Variants in MAP3K15 observed in about 807,000 individuals in gnomAD.
MAP3K15 encodes MAPK/ERK kinase kinase 15.
Under a neutral mutation model 99.5 loss-of-function variants are expected in MAP3K15, and 124 were observed. That is an observed-to-expected ratio of 1.25 (90% CI 1.08 to 1.45). MAP3K15 has a LOEUF of 1.45. Ranked by LOEUF, MAP3K15 falls within the 40% of genes most tolerant of loss-of-function variation. The pLI is 0.00. For missense variants in MAP3K15, 1,242 were observed against 1,079.7 expected (o/e 1.15, Z -2.11); for synonymous variants, 494 against 439.6 (o/e 1.12, Z -1.55).
At chrX:19,433,947 T>C (rs2063903398) in intron 6 of MAP3K15, among the ~76,000 whole-genome samples, 1 of 111,204 alleles carries the variant, frequency 9.0e-6, no homozygotes, top group Non-Finnish European at 1.9e-5. Flanking sequence ...AATAACGTAA[T>C]CATTATAAAG....
In MAP3K15 at chrX:19,374,427, C is replaced by A. The variant is rs1259871223; in HGVS notation, c.2773+50G>T. 3 of 1,138,929 alleles carry A rather than the reference C, an allele frequency of 2.6e-6. No homozygotes were observed. In the South Asian group the frequency reaches 5.8e-5, roughly 22 times the overall value. The allele number at this position is 1,138,929 out of a possible 1,213,427, so 93.9% of individuals were successfully genotyped here. A position where few individuals can be genotyped will look rare whatever the true frequency, so the allele number is the denominator to read the frequency against. ...CTGAGCAGCAGAGAAGCCCAGCGCC[C>A]AGCATTCTTGTGGCCAGGGTGCTGC... On this transcript the variant is annotated intron_variant, in intron 20 of 28. Transcript: ENST00000338883.
intron 6 of MAP3K15, among the ~76,000 whole-genome samples, chrX:19,448,222 G>A (rs1464121449): frequency 9.1e-6 from 1 of 109,310 alleles, no homozygotes; most frequent in African/African-American, 3.3e-5. Flanking sequence ...GTCCACATGC[G>A]ATTGATTCAG....
intron 10 of MAP3K15, among the ~76,000 whole-genome samples, chrX:19,413,684 G>GT (rs200016897): frequency 0.013 from 775 of 58,483 alleles, 24 homozygotes; most frequent in African/African-American, 0.054. Flanking sequence ...TCTTGGGGGG[G>GT]GGGGTGGGGA....
chrX:19,504,955 C>CAA lies in MAP3K15; in HGVS notation c.361+9944_361+9945dup, dbSNP rs778010766. ...TGAGCAACAGAGCGAGACCTCCTCT[C>CAA]AAAAAAAAAAAAAAAAAAGCCCAGA... On this transcript the variant is annotated intron_variant, in intron 1 of 28. Transcript: ENST00000338883. Among the ~76,000 whole-genome samples, 167 of 51,722 alleles carry CAA rather than the reference C, an allele frequency of 3.2e-3. 5 individuals carry two copies. Among genetic ancestry groups the CAA allele is most frequent in the African/African-American group, 6.5e-3 (113 of 17,257 alleles). 44.9% of individuals were successfully genotyped at this position (51,722 alleles called of 115,157 possible).
chrX:19,431,022 C>T (rs747004483), intron 7 of MAP3K15, among the ~76,000 whole-genome samples: 3 of 111,870 alleles, frequency 2.7e-5, no homozygotes. Context: ...GATTCACGTC[C>T]GTTGTGTCTG....
At position 19,452,950 on chromosome X, in the gene MAP3K15, G is replaced by A. The variant is rs1421713285; in HGVS notation, c.995+3963C>T. ...CCCAGGGAAGCCAAAAGATTGGACA[G>A]TAGTGCTGTACGATTTCACTTATAT... On this transcript the variant is annotated intron_variant, in intron 6 of 28. Transcript: ENST00000338883. 8.1e-5 allele frequency among the ~76,000 whole-genome samples: 9 copies of A among 110,828 alleles called. No homozygotes were observed. The East Asian group carries it at 2.5e-3, about 31-fold the overall frequency.
In MAP3K15 at chrX:19,464,334, C is replaced by T. The variant is rs371500905; in HGVS notation, c.598G>A (p.Asp200Asn). The T allele has an allele frequency of 2.5e-6, 3 of 1,196,770 alleles. No individual in the cohort carries two copies. The African/African-American group carries it at 5.3e-5, about 21-fold the overall frequency. ...PCADYFCCES[D>N]AQRRASEYMQ... ...TACTCGGAGGCTCGTCTCTGGGCATCACTCTCGCAGCAAAAATAATCAGCG... is the reference window on the plus strand; with the variant it reads ...TACTCGGAGGCTCGTCTCTGGGCATTACTCTCGCAGCAAAAATAATCAGCG... The change falls in exon 4 of 29, where the codon GAT (aspartate) becomes AAT (asparagine). Residue 200 changes from aspartate (D) to asparagine (N), a missense_variant. Physicochemically the swap from Asp to Asn is conservative, Grantham distance 23. Coordinates refer to ENST00000338883, the MANE Select transcript of MAP3K15 (RefSeq NM_001001671.4).
Position 19,378,290 on chromosome X carries a change from AG to A in MAP3K15, c.2589+1829del, listed in dbSNP as rs1453650032. Among the ~76,000 whole-genome samples the A allele has an allele frequency of 6.2e-5, 7 of 112,721 alleles. No homozygotes were observed. The East Asian group carries it at 2.0e-3, about 31-fold the overall frequency. The stretch of plus-strand genomic sequence containing the variant: ...CTGTCTCAAGGCAGTGCCCCATGGA[AG>A]GTCAGTGCTGGTAATGGCATCCTAG... On this transcript the variant is annotated intron_variant, in intron 19 of 28. Transcript: ENST00000338883.
intron 13 of MAP3K15, among the ~76,000 whole-genome samples, chrX:19,403,742 C>T (rs1569212429): frequency 9.1e-6 from 1 of 110,247 alleles, no homozygotes; most frequent in Non-Finnish European, 1.9e-5. Context: ...GCTAGGATTA[C>T]AGGCATCAGC....
intron 3 of MAP3K15, among the ~76,000 whole-genome samples, chrX:19,484,528 G>A (rs1276235840): frequency 8.9e-6 from 1 of 111,887 alleles, no homozygotes; most frequent in Non-Finnish European, 1.9e-5. Flanking sequence ...TACTAAGAAT[G>A]TTAAGGAATT....
intron 19 of MAP3K15, among the ~76,000 whole-genome samples, chrX:19,377,490 G>A (rs1302818480): frequency 2.7e-5 from 3 of 111,081 alleles, no homozygotes; most frequent in African/African-American, 9.8e-5. Context: ...GCTGCAGTGA[G>A]CCAAGATTGT....
chrX:19,506,337 T>C (rs1262713259), intron 1 of MAP3K15, among the ~76,000 whole-genome samples: 1 of 111,562 alleles, frequency 9.0e-6, no homozygotes, highest in Non-Finnish European at 1.9e-5. Context: ...CCCAAAGAGC[T>C]GGGATTAGAG....
intron 3 of MAP3K15, chrX:19,481,983 C>A (rs1346307475): frequency 9.1e-6 from 1 of 109,545 alleles, no homozygotes; most frequent in Non-Finnish European, 1.9e-5. Flanking sequence ...TCGAGATCAG[C>A]CTGTCCAATA....
rs140254729 is a variant in MAP3K15 at position 19,449,415 on chromosome X, A to G, written c.995+7498T>C. Among the ~76,000 whole-genome samples the G allele has an allele frequency of 3.9e-3, 423 of 109,817 alleles. 2 individuals carry two copies. Among genetic ancestry groups the G allele is most frequent in the African/African-American group, 0.013 (402 of 30,813 alleles). On this transcript the variant is annotated intron_variant, in intron 6 of 28. Transcript: ENST00000338883. ...AAATGTCAAAGCGTGCACTTTTTCT[A>G]TACCTCAAATGCCTCCCTGTAAATC...
chrX:19,395,841 T>C (rs936194988), intron 15 of MAP3K15, among the ~76,000 whole-genome samples: 1 of 112,297 alleles, frequency 8.9e-6, no homozygotes, highest in South Asian at 3.7e-4. Context: ...TAAAAAATTT[T>C]TTTTTGGCCT....
rs778221265 is a variant in MAP3K15, at chrX:19,372,646, C to G, written c.3108+7G>C. 1 of 1,197,303 alleles carries G rather than the reference C, an allele frequency of 8.4e-7. No individual in the cohort carries two copies. The highest frequency in any genetic ancestry group is 2.2e-5 in the Admixed American group (1 of 44,844). On this transcript the variant is annotated splice_region_variant and intron_variant, in intron 22 of 28. Coordinates refer to ENST00000338883, the MANE Select transcript of MAP3K15 (RefSeq NM_001001671.4). ...GGAAGAGTCGGTGCCCTCCCTCGGG[C>G]AAATACCTGGGCCACACACTCCTGC...
intron 6 of MAP3K15, among the ~76,000 whole-genome samples, chrX:19,437,427 G>C (rs192141707): frequency 1.3e-3 from 142 of 111,395 alleles, no homozygotes; most frequent in African/African-American, 4.5e-3. Flanking sequence ...TACCACTCCT[G>C]TGCCCCGATC....
At chrX:19,399,806 T>A (rs939337367) in intron 14 of MAP3K15, among the ~76,000 whole-genome samples, 9 of 105,384 alleles carry the variant, frequency 8.5e-5, no homozygotes, top group African/African-American at 3.1e-4. Context: ...CTGATGTAAC[T>A]GGCAATCAGC....
rs758376719 is a variant in MAP3K15 at position 19,368,723 on chromosome X, T to C, written c.3566+331A>G. ...CTGAGCCTGCGAGACCCACACACCATGCCAGGGGCCCCGTCTTGGTGAAAA... is the reference window on the plus strand; with the variant it reads ...CTGAGCCTGCGAGACCCACACACCACGCCAGGGGCCCCGTCTTGGTGAAAA... On this transcript the variant is annotated intron_variant, in intron 25 of 28. Transcript: ENST00000338883. Among the ~76,000 whole-genome samples, 444 of 111,387 alleles carry C rather than the reference T, an allele frequency of 4.0e-3. 1 individual carries two copies. The highest frequency in any genetic ancestry group is 0.014 in the African/African-American group (426 of 30,674).
Sources: allele counts gnomAD v4.1 joint callset (sites outside exome capture counted in the v4.1 genomes callset), GRCh38; gene constraint gnomAD v4.1.1; transcripts MANE v1.5; gene names NCBI Gene and HGNC (gene_info 2026-07-23, HGNC 2026-07-21).